STEAP3: variants seen among roughly 807,000 people sequenced by gnomAD.
STEAP3 encodes metalloreductase STEAP3.
In STEAP3, 35 loss-of-function variants were observed where a neutral mutation model predicts 34.9. The ratio of observed to expected loss-of-function variants is 1.00; its 90% CI spans 0.76 to 1.33. The LOEUF is 1.33. Among genes scored for constraint, STEAP3 ranks in the 40% most tolerant of loss-of-function variants. The probability of loss-of-function intolerance (pLI) is 0.00; values close to 1 mark genes in which losing one functional copy is unlikely to be tolerated. For synonymous variants in STEAP3, 281 were observed against 301.6 expected (o/e 0.93, Z 0.71); for missense variants, 652 against 667.6 (o/e 0.98, Z 0.26).
intron 5 of STEAP3, among the ~76,000 whole-genome samples, chr2:119,260,438 G>C (rs1677910486): frequency 6.6e-6 from 1 of 151,828 alleles, no homozygotes; most frequent in Non-Finnish European, 1.5e-5. Flanking sequence ...TTACAGGCAT[G>C]CGCCACCACA....
At chr2:119,259,437 C>T (rs1411009777) in intron 5 of STEAP3, among the ~76,000 whole-genome samples, 1 of 152,228 alleles carries the variant, frequency 6.6e-6, no homozygotes, top group Non-Finnish European at 1.5e-5. Context: ...ACAGGAAAGT[C>T]AAAGGCCCTT....
At position 119,264,815 on chromosome 2, in the gene STEAP3, C is replaced by G. The variant is rs971977573; in HGVS notation, c.*1477C>G. On this transcript the variant is annotated 3_prime_UTR_variant, in exon 6 of 6. Coordinates refer to ENST00000393110, the MANE Select transcript of STEAP3 (RefSeq NM_182915.3). ...TGAGGCTGCCCCTGCCCCCCCCCCG[C>G]CAGGGAGGTTTCATGAGCTCATGTC... The G allele has an allele frequency of 1.6e-5, 1 of 61,206 alleles. No homozygotes were observed. The highest frequency in any genetic ancestry group is 3.2e-5 in the Non-Finnish European group (1 of 31,422). 3.8% of individuals were successfully genotyped at this position (61,206 alleles called of 1,614,324 possible).
chr2:119,259,414 G>C (rs533674494), intron 5 of STEAP3, among the ~76,000 whole-genome samples: 112 of 152,332 alleles, frequency 7.4e-4, no homozygotes, highest in African/African-American at 2.7e-3. Flanking sequence ...AATCATGCAG[G>C]CTTCCCACTG....
chr2:119,236,670 C>T (rs1196648439), intron 2 of STEAP3, among the ~76,000 whole-genome samples: 1 of 152,186 alleles, frequency 6.6e-6, no homozygotes, highest in Non-Finnish European at 1.5e-5. Context: ...TAATGCCCCA[C>T]TTAGCAGATC....
intron 1 of STEAP3, among the ~76,000 whole-genome samples, chr2:119,226,202 G>A (rs564478867): frequency 6.4e-4 from 98 of 152,302 alleles, no homozygotes; most frequent in African/African-American, 2.2e-3. Flanking sequence ...TGAGAGGGCT[G>A]GGGTGAGATT....
intron 4 of STEAP3, among the ~76,000 whole-genome samples, chr2:119,252,498 C>T (rs838078): frequency 0.019 from 2,865 of 152,334 alleles, 51 homozygotes; most frequent in Non-Finnish European, 0.031. Flanking sequence ...GGTCCTTCAG[C>T]GTCTGACCTG....
chr2:119,234,823 G>C (rs1963247), intron 2 of STEAP3, among the ~76,000 whole-genome samples: 150,085 of 152,290 alleles, frequency 0.99, 73,999 homozygotes, highest in South Asian at 1. Flanking sequence ...TGCCCCACCC[G>C]CCTCCGCTGC....
At chr2:119,227,694 G>C (rs1369198729) in intron 1 of STEAP3, among the ~76,000 whole-genome samples, 4 of 152,206 alleles carry the variant, frequency 2.6e-5, no homozygotes, top group Admixed American at 6.5e-5. Context: ...TGGGGTCGGT[G>C]AATGGGCCCA....
intron 2 of STEAP3, among the ~76,000 whole-genome samples, chr2:119,235,144 G>T (rs1288857217): frequency 6.6e-6 from 1 of 152,194 alleles, no homozygotes; most frequent in East Asian, 1.9e-4. Context: ...GCCTGCAGTG[G>T]GCCTAATGAC....
chr2:119,257,607 C>T, intron 5 of STEAP3: 1 of 1,509,096 alleles, frequency 6.6e-7, no homozygotes, highest in African/African-American at 1.4e-5. Flanking sequence ...TGTGTCCACC[C>T]CATATGGTCA....
Position 119,263,350 on chromosome 2 carries a change from T to A in STEAP3, c.*12T>A. 1 of 1,609,624 alleles carries A rather than the reference T, an allele frequency of 6.2e-7. No individual in the cohort carries two copies. The highest frequency in any genetic ancestry group is 8.5e-7 in the Non-Finnish European group (1 of 1,178,286). Reference sequence around the variant, plus strand: ...CGAGCCACGTATGAGGTGCCTGCCCTGGGCTCTGGACCCCGGGCACACGAG... The same window carrying A: ...CGAGCCACGTATGAGGTGCCTGCCCAGGGCTCTGGACCCCGGGCACACGAG... On this transcript the variant is annotated 3_prime_UTR_variant, in exon 6 of 6. Transcript: ENST00000393110.
Position 119,231,342 on chromosome 2 carries a change from CGTGTGTGTGTGTGTGT to C in STEAP3, c.22+335_22+350del, listed in dbSNP as rs6146901. ...TTCAAGGATTTATCACACACAGTTG[CGTGTGTGTGTGTGTGT>C]GTGTGTGTGTGTGTGTGTGTGTGTG... On this transcript the variant is annotated intron_variant, in intron 2 of 5. Transcript: ENST00000393110. Among the ~76,000 whole-genome samples the C allele has an allele frequency of 6.3e-3, 902 of 143,598 alleles. 12 individuals carry two copies. In the South Asian group the frequency reaches 0.07, roughly 11 times the overall value. The allele number at this position is 143,598 out of a possible 152,430, so 94.2% of individuals were successfully genotyped here.
At chr2:119,257,879 C>A in intron 5 of STEAP3, 1 of 284,520 alleles carries the variant, frequency 3.5e-6, no homozygotes, top group Non-Finnish European at 5.3e-6. Context: ...ATCCAGACCC[C>A]AAGAGAGGGT....
At chr2:119,242,962 C>T (rs1677293133) in intron 2 of STEAP3, among the ~76,000 whole-genome samples, 4 of 152,164 alleles carry the variant, frequency 2.6e-5, no homozygotes, top group African/African-American at 9.7e-5. Flanking sequence ...CAAAATGTAG[C>T]CCACCACCCA....
intron 4 of STEAP3, among the ~76,000 whole-genome samples, chr2:119,252,862 A>G (rs938625358): frequency 2.6e-5 from 4 of 152,180 alleles, no homozygotes; most frequent in Non-Finnish European, 5.9e-5. Flanking sequence ...GGAAAAAAAC[A>G]AGGCATTTTA....
chr2:119,250,071 C>CACACAA (rs1392507724), intron 4 of STEAP3, among the ~76,000 whole-genome samples: 2 of 152,208 alleles, frequency 1.3e-5, no homozygotes, highest in African/African-American at 4.8e-5. Flanking sequence ...CAAAGTCACA[C>CACACAA]AGTCAGTAAG....
rs1399061621 is a variant in STEAP3, at chr2:119,247,829, C to T, written c.673C>T (p.Pro225Ser). The change falls in exon 4 of 6, where the codon CCC becomes TCC. Residue 225 changes from proline to serine, a missense_variant. By Grantham distance (74) the Pro-to-Ser change is moderately conservative. Transcript: ENST00000393110. ...PLRLLPAWKVPTLLALGLFVC... is the reference protein window; with the variant it reads ...PLRLLPAWKVSTLLALGLFVC... ...GCGCCTCCTCCCGGCCTGGAAGGTG[C>T]CCACCCTGCTGGCCCTGGGGCTCTT... 3.1e-6 allele frequency: 5 copies of T among 1,613,054 alleles called. No individual in the cohort carries two copies. In the Admixed American group the frequency reaches 8.3e-5, roughly 27 times the overall value.
intron 2 of STEAP3, among the ~76,000 whole-genome samples, chr2:119,234,652 C>T (rs994329003): frequency 6.6e-6 from 1 of 152,210 alleles, no homozygotes; most frequent in African/African-American, 2.4e-5. Context: ...CTGGGAATAA[C>T]AAATAAGAGA....
At position 119,263,695 on chromosome 2, in the gene STEAP3, A is replaced by C; in HGVS notation, c.*357A>C. ...AGAGATATACACACACTTTTTGTAC[A>C]GAAGAGGCTTGTGCTGTGGTGGGTT... On this transcript the variant is annotated 3_prime_UTR_variant, in exon 6 of 6. Coordinates refer to ENST00000393110, the MANE Select transcript of STEAP3 (RefSeq NM_182915.3). The C allele has an allele frequency of 2.7e-6, 1 of 370,028 alleles. No individual in the cohort carries two copies. Among genetic ancestry groups the C allele is most frequent in the Non-Finnish European group, 5.2e-6 (1 of 193,216 alleles). The allele number at this position is 370,028 out of a possible 1,614,324, so 22.9% of individuals were successfully genotyped here. A position where few individuals can be genotyped will look rare whatever the true frequency, so the allele number is the denominator to read the frequency against.
Sources: gnomAD v4.1 joint callset for allele counts (sites outside exome capture counted in the v4.1 genomes callset) on GRCh38, gnomAD v4.1.1 for gene constraint, MANE v1.5 for transcripts, NCBI Gene and HGNC (gene_info 2026-07-23, HGNC 2026-07-21) for gene names.